The following LDAF1 variants were observed in gnomAD, a reference collection of about 807,000 sequenced individuals.
The protein encoded by LDAF1 is lipid droplet assembly factor 1.
Under a neutral mutation model 13.5 loss-of-function variants are expected in LDAF1, and 7 were observed. That is an observed-to-expected ratio of 0.52 (90% CI 0.29 to 0.97). LDAF1 has a LOEUF of 0.97. Ranked by LOEUF, LDAF1 falls within the 50% of genes least tolerant of loss-of-function variation. LDAF1 has a pLI of 0.07. For missense variants in LDAF1, 148 were observed against 193.2 expected (o/e 0.77, Z 1.39); for synonymous variants, 69 against 77.1 (o/e 0.89, Z 0.55).
intron 4 of LDAF1, among the ~76,000 whole-genome samples, chr16:21,175,431 CAG>C (rs2093130426): frequency 6.6e-6 from 1 of 152,188 alleles, no homozygotes; most frequent in South Asian, 2.1e-4. Context: ...CTCTCTAAAA[CAG>C]GAGTTGGCAA....
At chr16:21,166,872 T>G (rs1451938564) in intron 2 of LDAF1, 1 of 1,535,744 alleles carries the variant, frequency 6.5e-7, no homozygotes, top group South Asian at 1.2e-5. Context: ...CACTGGACTC[T>G]GATGATGGAG....
chr16:21,163,209 C>T (rs1211165271), intron 2 of LDAF1, among the ~76,000 whole-genome samples: 2 of 152,124 alleles, frequency 1.3e-5, no homozygotes, highest in African/African-American at 2.4e-5. Context: ...AAAGCATAAA[C>T]GTGGCACTAA....
At chr16:21,160,145 GC>G in intron 1 of LDAF1, 1 of 205,060 alleles carries the variant, frequency 4.9e-6, no homozygotes, top group Non-Finnish European at 8.4e-6. Flanking sequence ...ATTAATTTTG[GC>G]CACGTGGACA....
chr16:21,169,826 G>T (rs1459940753), intron 2 of LDAF1, among the ~76,000 whole-genome samples: 1 of 152,070 alleles, frequency 6.6e-6, no homozygotes, highest in Admixed American at 6.6e-5. Context: ...TTGACCTTGG[G>T]TGGGGACCTC....
intron 1 of LDAF1, among the ~76,000 whole-genome samples, chr16:21,158,990 C>T (rs189283439): frequency 2.7e-4 from 41 of 152,004 alleles, no homozygotes; most frequent in Admixed American, 2.6e-3. Context: ...ACACTCACCC[C>T]GCCACCCCCC....
At chr16:21,167,157 A>C (rs1264224397) in intron 2 of LDAF1, among the ~76,000 whole-genome samples, 2 of 152,216 alleles carry the variant, frequency 1.3e-5, no homozygotes. Flanking sequence ...TGCAGCTTGC[A>C]CTTTAGTTCC....
intron 2 of LDAF1, among the ~76,000 whole-genome samples, chr16:21,166,378 A>G (rs955152224): frequency 1.3e-5 from 2 of 152,206 alleles, no homozygotes; most frequent in Non-Finnish European, 2.9e-5. Flanking sequence ...AGATTCACAT[A>G]CCCAACCTAT....
intron 3 of LDAF1, chr16:21,172,588 C>T (rs1391812068): frequency 6.6e-6 from 1 of 152,228 alleles, no homozygotes; most frequent in African/African-American, 2.4e-5. Flanking sequence ...GATCATGCCA[C>T]TGCACTCCAG....
chr16:21,173,895 T>A (rs1413783074), intron 3 of LDAF1, 115 bp from the exon 4 acceptor site: 3 of 1,136,392 alleles, frequency 2.6e-6, no homozygotes, highest in Non-Finnish European at 3.6e-6. Context: ...GTGGGAAATC[T>A]TCTTACTTTA....
chr16:21,168,059 G>C (rs111539772), intron 2 of LDAF1, among the ~76,000 whole-genome samples: 144 of 151,114 alleles, frequency 9.5e-4, no homozygotes, highest in African/African-American at 3.1e-3. Flanking sequence ...CTGTCATCCA[G>C]GCTGGAGTGC....
chr16:21,162,503 A>G (rs2092986246), intron 2 of LDAF1, among the ~76,000 whole-genome samples: 1 of 152,208 alleles, frequency 6.6e-6, no homozygotes, highest in African/African-American at 2.4e-5. Flanking sequence ...TACTGTTAAC[A>G]TTTTGTATGT....
Position 21,179,732 on chromosome 16 carries a change from G to A in LDAF1, c.*176G>A, listed in dbSNP as rs1475231705. On this transcript the variant is annotated 3_prime_UTR_variant, in exon 5 of 5. Transcript: ENST00000233047. ...CCAATTTAGGGATTGTGTTGTTCTT[G>A]TGTTGGTTCCCATGTAAAGAAGCAG... 5.2e-6 allele frequency: 3 copies of A among 574,668 alleles called. No individual in the cohort carries two copies. Among genetic ancestry groups the A allele is most frequent in the East Asian group, 3.0e-5 (1 of 33,276 alleles). 35.6% of individuals were successfully genotyped at this position (574,668 alleles called of 1,614,324 possible). A position where few individuals can be genotyped will look rare whatever the true frequency, so the allele number is the denominator to read the frequency against.
chr16:21,160,618 T>C (rs1473928941), intron 1 of LDAF1, among the ~76,000 whole-genome samples: 1 of 152,246 alleles, frequency 6.6e-6, no homozygotes, highest in African/African-American at 2.4e-5. Context: ...CTTTCTTGCT[T>C]TCTGTATATT....
At chr16:21,164,947 C>A (rs964669358) in intron 2 of LDAF1, among the ~76,000 whole-genome samples, 2 of 152,132 alleles carry the variant, frequency 1.3e-5, no homozygotes, top group Non-Finnish European at 2.9e-5. Context: ...GGAAATAATA[C>A]GAGAGGTGCT....
intron 2 of LDAF1, among the ~76,000 whole-genome samples, chr16:21,162,175 T>G (rs761575277): frequency 6.6e-6 from 1 of 152,158 alleles, no homozygotes; most frequent in Non-Finnish European, 1.5e-5. Flanking sequence ...AAAATTATTT[T>G]TAATAATGTT....
At chr16:21,164,582 C>G (rs2093006801) in intron 2 of LDAF1, among the ~76,000 whole-genome samples, 2 of 152,302 alleles carry the variant, frequency 1.3e-5, no homozygotes, top group South Asian at 4.2e-4. Flanking sequence ...TGAGCAATGT[C>G]AGGCTCAGAG....
chr16:21,179,770 AT>A lies in LDAF1; in HGVS notation c.*215del. 2 of 518,654 alleles carry A rather than the reference AT, an allele frequency of 3.9e-6. No individual in the cohort carries two copies. The highest frequency in any genetic ancestry group is 6.7e-5 in the Admixed American group (2 of 29,802). The allele number at this position is 518,654 out of a possible 1,614,324, so 32.1% of individuals were successfully genotyped here. On this transcript the variant is annotated 3_prime_UTR_variant, in exon 5 of 5. Coordinates refer to ENST00000233047, the MANE Select transcript of LDAF1 (RefSeq NM_001301771.2). The stretch of plus-strand genomic sequence containing the variant: ...TGTAAAGAAGCAGCAGAGAAATGCG[AT>A]GGTTCAACAGCTCGCCCTGCCCCAA...
At chr16:21,159,933 C>T (rs2092949319) in intron 1 of LDAF1, 1 of 985,164 alleles carries the variant, frequency 1.0e-6, no homozygotes, top group Admixed American at 6.2e-5. Context: ...GAGGCAGCTT[C>T]AAAGAGAGAA....
intron 2 of LDAF1, among the ~76,000 whole-genome samples, chr16:21,168,751 A>G (rs1160056259): frequency 5.3e-5 from 7 of 132,828 alleles, no homozygotes; most frequent in African/African-American, 2.0e-4. Context: ...TTTATTTTAT[A>G]TATTATAATT....
Sources: allele counts gnomAD v4.1 joint callset (sites outside exome capture counted in the v4.1 genomes callset), GRCh38; gene constraint gnomAD v4.1.1; transcripts MANE v1.5; gene names NCBI Gene and HGNC (gene_info 2026-07-23, HGNC 2026-07-21).